The following NTM variants were observed in gnomAD, a reference collection of about 807,000 sequenced individuals.
The protein encoded by NTM is IgLON family member 2.
NTM carries 13 observed loss-of-function variants against 42.1 expected under a neutral mutation model. The observed-to-expected ratio is 0.31, with a 90% CI of 0.20 to 0.49. The LOEUF is 0.49. Ranked by LOEUF, NTM falls within the 20% of genes least tolerant of loss-of-function variation. The pLI, the probability that NTM is intolerant of heterozygous loss-of-function variation, is 0.99. For synonymous variants in NTM, 187 were observed against 179.2 expected, an observed-to-expected ratio of 1.04 and a Z score of -0.35; for missense variants, 373 against 452.8, an observed-to-expected ratio of 0.82 and a Z score of 1.60.
intron 1 of NTM, among the ~76,000 whole-genome samples, chr11:131,863,730 C>T (rs1262845938): frequency 1.3e-5 from 2 of 152,202 alleles, no homozygotes; most frequent in Non-Finnish European, 2.9e-5. Flanking sequence ...CCTCCCTCCT[C>T]CCATCTGCCT....
intron 1 of NTM, among the ~76,000 whole-genome samples, chr11:131,809,408 A>G (rs1313089113): frequency 6.6e-6 from 1 of 152,068 alleles, no homozygotes; most frequent in African/African-American, 2.4e-5. Context: ...GTCCCAAGGG[A>G]TTTGCTGGCA....
intron 1 of NTM, among the ~76,000 whole-genome samples, chr11:131,595,642 C>A (rs892663934): frequency 6.6e-6 from 1 of 152,166 alleles, no homozygotes; most frequent in African/African-American, 2.4e-5. Flanking sequence ...CTTGTATTTG[C>A]CGGAACGGAC....
At chr11:131,674,139 C>A (rs923428339) in intron 1 of NTM, among the ~76,000 whole-genome samples, 1 of 152,350 alleles carries the variant, frequency 6.6e-6, no homozygotes, top group Non-Finnish European at 1.5e-5. Flanking sequence ...GGGGTGCGGG[C>A]GCCCTCGCGT....
chr11:131,764,522 C>G (rs572067373), intron 1 of NTM, among the ~76,000 whole-genome samples: 1 of 152,328 alleles, frequency 6.6e-6, no homozygotes, highest in Admixed American at 6.5e-5. Context: ...TGGATTCCAA[C>G]AGATCTGGAC....
chr11:132,222,384 A>G (rs2085345895), intron 4 of NTM, among the ~76,000 whole-genome samples: 1 of 152,152 alleles, frequency 6.6e-6, no homozygotes, highest in Non-Finnish European at 1.5e-5. Flanking sequence ...TATTATTAGA[A>G]GATTGTTTTA....
chr11:131,526,240 T>A (rs1248797656), intron 1 of NTM, among the ~76,000 whole-genome samples: 1 of 152,232 alleles, frequency 6.6e-6, no homozygotes, highest in African/African-American at 2.4e-5. Context: ...CCCACTTTAC[T>A]GCAGCGCAGT....
At chr11:132,213,712 C>G (rs1160788055) in intron 4 of NTM, among the ~76,000 whole-genome samples, 1 of 150,576 alleles carries the variant, frequency 6.6e-6, no homozygotes, top group East Asian at 2.0e-4. Context: ...TTCCTGGGAG[C>G]TGTCCTGGGC....
At chr11:131,779,931 A>G (rs1215379739) in intron 1 of NTM, among the ~76,000 whole-genome samples, 1 of 152,186 alleles carries the variant, frequency 6.6e-6, no homozygotes, top group Non-Finnish European at 1.5e-5. Flanking sequence ...AAGGGGGAAC[A>G]GCACGGGTGT....
chr11:132,248,041 A>ATGGGAGAAAATGGAGAAAT (rs1566572730), intron 4 of NTM, among the ~76,000 whole-genome samples: 1 of 152,094 alleles, frequency 6.6e-6, no homozygotes, highest in African/African-American at 2.4e-5. Flanking sequence ...GCATCCAAAC[A>ATGGGAGAAAATGGAGAAAT]TGGGAGAAAA....
chr11:131,818,263 ACCCAGACTCGCT>A, intron 1 of NTM, among the ~76,000 whole-genome samples: 1 of 152,214 alleles, frequency 6.6e-6, no homozygotes, highest in East Asian at 1.9e-4. Context: ...CCTCATTTCA[ACCCAGACTCGCT>A]CCCATTGACT....
chr11:131,916,241 A>G (rs142966457), intron 2 of NTM, among the ~76,000 whole-genome samples: 43 of 152,304 alleles, frequency 2.8e-4, no homozygotes, highest in African/African-American at 9.6e-4. Context: ...AGAAGCCCCA[A>G]TGCATGGGTG....
intron 1 of NTM, chr11:131,770,966 A>T (rs949926039): frequency 6.6e-5 from 10 of 152,246 alleles, no homozygotes; most frequent in African/African-American, 2.4e-4. Context: ...TTTTTTGCAG[A>T]TCTTCAGATT....
chr11:131,372,984 G>T (rs11222591), intron 1 of NTM, among the ~76,000 whole-genome samples: 35,372 of 151,944 alleles, frequency 0.23, 4,890 homozygotes, highest in East Asian at 0.59. Flanking sequence ...ACATTCTACC[G>T]AATCCGGAAT....
chr11:131,768,303 A>G (rs2085473796), intron 1 of NTM, among the ~76,000 whole-genome samples: 1 of 152,008 alleles, frequency 6.6e-6, no homozygotes, highest in Admixed American at 6.6e-5. Flanking sequence ...TTTTTAGTAC[A>G]GACGGGGTTT....
chr11:132,329,695 G>A (rs1167864514), intron 7 of NTM, among the ~76,000 whole-genome samples: 1 of 152,254 alleles, frequency 6.6e-6, no homozygotes, highest in Non-Finnish European at 1.5e-5. Flanking sequence ...TTCAAATGCT[G>A]TAGTATAAAT....
At chr11:131,514,750 G>A (rs61126598) in intron 1 of NTM, among the ~76,000 whole-genome samples, 2,206 of 151,938 alleles carry the variant, frequency 0.015, 58 homozygotes, top group African/African-American at 0.048. Flanking sequence ...TACCACGCCT[G>A]ACTAAGTTTT....
At chr11:131,757,150 T>A (rs773047976) in intron 1 of NTM, among the ~76,000 whole-genome samples, 2 of 152,314 alleles carry the variant, frequency 1.3e-5, no homozygotes, top group South Asian at 2.1e-4. Context: ...TCCTTTGTGA[T>A]TCCAGTTTCC....
chr11:131,641,100 C>T (rs897793549), intron 1 of NTM, among the ~76,000 whole-genome samples: 6 of 152,126 alleles, frequency 3.9e-5, no homozygotes, highest in East Asian at 1.9e-4. Flanking sequence ...TAATGGCTGT[C>T]GACACTGACA....
At chr11:131,643,458 G>A (rs1473358717) in intron 1 of NTM, among the ~76,000 whole-genome samples, 5 of 152,228 alleles carry the variant, frequency 3.3e-5, no homozygotes, top group Admixed American at 3.3e-4. Flanking sequence ...AAGGCTGTTA[G>A]TGACATTAAG....
Sources: allele counts gnomAD v4.1 joint callset (sites outside exome capture counted in the v4.1 genomes callset), GRCh38; gene constraint gnomAD v4.1.1; transcripts MANE v1.5; gene names NCBI Gene and HGNC (gene_info 2026-07-23, HGNC 2026-07-21).